The following VANGL2 variants were observed in gnomAD, a reference collection of about 807,000 sequenced individuals.
VANGL2 encodes the protein VANGL planar cell polarity protein 2, also known as vang-like protein 2.
A neutral mutation model predicts 50.2 loss-of-function variants in VANGL2; 14 were observed. The observed-to-expected ratio is 0.28, with a 90% CI of 0.18 to 0.44. VANGL2 has a LOEUF of 0.44. VANGL2 is among the 20% of genes least tolerant of loss of function. The pLI, the probability that VANGL2 is intolerant of heterozygous loss-of-function variation, is 1.00. For synonymous variants in VANGL2, 295 were observed against 297.2 expected (o/e 0.99, Z 0.08); for missense variants, 533 against 701.5 (o/e 0.76, Z 2.71).
chr1:160,409,902 G>A (rs1045548927), intron 1 of VANGL2, among the ~76,000 whole-genome samples: 1 of 152,196 alleles, frequency 6.6e-6, no homozygotes, highest in Non-Finnish European at 1.5e-5. Flanking sequence ...TGGCACTATG[G>A]ATGGTGATGA....
chr1:160,419,454 G>A lies in VANGL2; in HGVS notation c.645G>A (p.Val215=). 9 of 1,609,976 alleles carry A rather than the reference G, an allele frequency of 5.6e-6. No individual in the cohort carries two copies. Among genetic ancestry groups the A allele is most frequent in the East Asian group, 2.2e-5 (1 of 44,876 alleles). Residue 215 remains valine, a synonymous_variant, in exon 4 of 8, where the codon GTG becomes GTA. Transcript: ENST00000368061. This position sits in a 1 kb window ranked among gnomAD's most constrained non-coding sequence, Gnocchi z 5.8. ...CTCGGGAGCGCAGCTACCAGGGCGT[G>A]GTGCAGTTCGCCGTGTCGCTGGTGG... ...LDARERSYQG[V]VQFAVSLVDA... is the part of the protein sequence containing the mutation.
intron 1 of VANGL2, among the ~76,000 whole-genome samples, chr1:160,408,230 G>A (rs1331229047): frequency 2.6e-5 from 4 of 152,066 alleles, no homozygotes; most frequent in Admixed American, 1.3e-4. Context: ...AGGGTGGGTG[G>A]AGCTGGGTGG....
At chr1:160,407,402 A>T (rs917846655) in intron 1 of VANGL2, among the ~76,000 whole-genome samples, 1 of 152,108 alleles carries the variant, frequency 6.6e-6, no homozygotes, top group Admixed American at 6.5e-5. Flanking sequence ...GTCACACTGC[A>T]TCTCACACCC....
chr1:160,426,078 C>G lies in VANGL2; in HGVS notation c.*700C>G, dbSNP rs1177026776. On this transcript the variant is annotated 3_prime_UTR_variant, in exon 8 of 8. Coordinates refer to ENST00000368061, the MANE Select transcript of VANGL2 (RefSeq NM_020335.3). ...TGACCATAGGCAACCACGTGGAAAC[C>G]CTCTGTGACCACTTTTCCAGGGACT... The G allele has an allele frequency of 1.3e-5, 2 of 152,168 alleles. No individual in the cohort carries two copies. Among genetic ancestry groups the G allele is most frequent in the African/African-American group, 4.8e-5 (2 of 41,434 alleles). The allele number at this position is 152,168 out of a possible 1,614,324, so 9.4% of individuals were successfully genotyped here.
In VANGL2 at chr1:160,419,751, C is replaced by G; in HGVS notation, c.800+142C>G. 7.7e-7 allele frequency: 1 copy of G among 1,300,152 alleles called. No individual in the cohort carries two copies. Among genetic ancestry groups the G allele is most frequent in the East Asian group, 2.5e-5 (1 of 39,494 alleles). The allele number at this position is 1,300,152 out of a possible 1,614,324, so 80.5% of individuals were successfully genotyped here. A position where few individuals can be genotyped will look rare whatever the true frequency, so the allele number is the denominator to read the frequency against. ...GTGGGAGGGAGTTGAGTACTTTGCA[C>G]CAAGTAGGTTTTCACCAATGTTTGC... On this transcript the variant is annotated intron_variant, in intron 4 of 7. Transcript: ENST00000368061. The surrounding 1 kb of genome is among the most constrained non-coding windows in gnomAD (Gnocchi z 5.8).
intron 1 of VANGL2, among the ~76,000 whole-genome samples, chr1:160,414,118 T>C (rs1344914801): frequency 2.0e-5 from 3 of 152,246 alleles, no homozygotes; most frequent in Non-Finnish European, 4.4e-5. Flanking sequence ...TTAGCAAGCC[T>C]GTACTACTGC....
At chr1:160,412,931 G>A (rs1012631908) in intron 1 of VANGL2, among the ~76,000 whole-genome samples, 4 of 152,178 alleles carry the variant, frequency 2.6e-5, no homozygotes, top group Admixed American at 6.5e-5. Context: ...TTGTGTTACA[G>A]TTGGCTACAG....
intron 1 of VANGL2, among the ~76,000 whole-genome samples, chr1:160,410,139 C>T (rs183935915): frequency 5.5e-4 from 83 of 152,238 alleles, no homozygotes; most frequent in Middle Eastern, 3.4e-3. Context: ...TCCCTGACTA[C>T]GGAGAGAAAA....
At chr1:160,407,616 T>C (rs774589285) in intron 1 of VANGL2, among the ~76,000 whole-genome samples, 1 of 152,326 alleles carries the variant, frequency 6.6e-6, no homozygotes. Flanking sequence ...TGAAGGTCTT[T>C]TGGGGCCAGG....
At chr1:160,421,499 G>A (rs1043112372) in intron 6 of VANGL2, among the ~76,000 whole-genome samples, 6 of 152,188 alleles carry the variant, frequency 3.9e-5, no homozygotes, top group Admixed American at 3.9e-4. Context: ...TTATTATGGG[G>A]AGAATTCAGT....
chr1:160,424,397 T>C, intron 7 of VANGL2, 114 bp downstream of exon 7: 1 of 1,017,554 alleles, frequency 9.8e-7, no homozygotes, highest in East Asian at 2.6e-5. Context: ...CATTTCTCTC[T>C]CCTCACCACC....
rs1243195034 is a variant in VANGL2 at position 160,418,921 on chromosome 1, T to C, written c.193-81T>C. 1.2e-5 allele frequency: 18 copies of C among 1,520,858 alleles called. 1 individual carries two copies. The African/African-American group carries it at 2.3e-4, about 20-fold the overall frequency. 94.2% of individuals were successfully genotyped at this position (1,520,858 alleles called of 1,614,324 possible). A position where few individuals can be genotyped will look rare whatever the true frequency, so the allele number is the denominator to read the frequency against. ...GTGTTCTTCTCTGTCTCCTGTCCCC[T>C]CACCCTTTCTCCTGTTTCCCTCCTC... On this transcript the variant is annotated intron_variant, in intron 3 of 7. Coordinates refer to ENST00000368061, the MANE Select transcript of VANGL2 (RefSeq NM_020335.3).
intron 7 of VANGL2, 150 bp downstream of exon 7, chr1:160,424,433 TC>T: frequency 1.1e-6 from 1 of 886,864 alleles, no homozygotes; most frequent in South Asian, 1.4e-5. Context: ...TCTCTCTCAT[TC>T]CTATTCCACC....
rs952154869 is a variant in VANGL2, at chr1:160,419,824, G to A, written c.800+215G>A. On this transcript the variant is annotated intron_variant, in intron 4 of 7. Coordinates refer to ENST00000368061, the MANE Select transcript of VANGL2 (RefSeq NM_020335.3). The surrounding 1 kb of genome is among the most constrained non-coding windows in gnomAD (Gnocchi z 5.8). Reference sequence around the variant, plus strand: ...ACACGGTCTTGGGGCAAGATCAGTTGGGAGTTATGAGATGGGAATGAATAG... The same window carrying A: ...ACACGGTCTTGGGGCAAGATCAGTTAGGAGTTATGAGATGGGAATGAATAG... Among the ~76,000 whole-genome samples, 16 of 151,476 alleles carry A rather than the reference G, an allele frequency of 1.1e-4. No homozygotes were observed. The highest frequency in any genetic ancestry group is 1.8e-4 in the Non-Finnish European group (12 of 67,922).
At chr1:160,420,667 T>C in intron 5 of VANGL2, 120 bp downstream of exon 5, 1 of 1,467,816 alleles carries the variant, frequency 6.8e-7, no homozygotes, top group Non-Finnish European at 9.4e-7. Flanking sequence ...TTCTAGCCGC[T>C]TCTATTCAGT....
intron 7 of VANGL2, 65 bp from the exon 8 acceptor site, chr1:160,425,053 C>T: frequency 6.2e-7 from 1 of 1,612,420 alleles, no homozygotes; most frequent in Non-Finnish European, 8.5e-7. Flanking sequence ...AAACTATGAC[C>T]TAGGGGATGA....
In VANGL2 at chr1:160,400,679, G is replaced by C. The variant is rs977856060; in HGVS notation, c.-381G>C. ...TGGCCCCCAGCCCCCGGGGCCTTGA[G>C]GGGGAAGAGGCAGCGGTCTGGGACG... On this transcript the variant is annotated 5_prime_UTR_variant, in exon 1 of 8. Transcript: ENST00000368061. 4.6e-5 allele frequency: 7 copies of C among 152,340 alleles called. No individual in the cohort carries two copies. Among genetic ancestry groups the C allele is most frequent in the African/African-American group, 1.7e-4 (7 of 41,406 alleles). The allele number at this position is 152,340 out of a possible 1,614,324, so 9.4% of individuals were successfully genotyped here.
intron 2 of VANGL2, 72 bp from the exon 3 acceptor site, chr1:160,415,990 G>T (rs771516674): frequency 2.5e-6 from 4 of 1,614,200 alleles, no homozygotes; most frequent in Non-Finnish European, 3.4e-6. Flanking sequence ...GGGGTGGTAG[G>T]GTAGAGTGGC....
chr1:160,427,815 G>A lies in VANGL2; in HGVS notation c.*2437G>A, dbSNP rs1651512103. 6.6e-6 allele frequency: 1 copy of A among 152,452 alleles called. No homozygotes were observed. Among genetic ancestry groups the A allele is most frequent in the African/African-American group, 2.4e-5 (1 of 41,326 alleles). 9.4% of individuals were successfully genotyped at this position (152,452 alleles called of 1,614,324 possible). On this transcript the variant is annotated 3_prime_UTR_variant, in exon 8 of 8. Coordinates refer to ENST00000368061, the MANE Select transcript of VANGL2 (RefSeq NM_020335.3). ...CCTCTTACCCCCTTGACACCATAGG[G>A]CTGCTGTGGCTGGGCCTCACCAGCA...
Sources: gnomAD v4.1 joint callset for allele counts (sites outside exome capture counted in the v4.1 genomes callset) on GRCh38, gnomAD v4.1.1 for gene constraint, Gnocchi (gnomAD v3.1) non-coding constraint, MANE v1.5 for transcripts, NCBI Gene and HGNC (gene_info 2026-07-23, HGNC 2026-07-21) for gene names.